The following CCDC170 variants were observed in gnomAD, a reference collection of about 807,000 sequenced individuals.
CCDC170 encodes the protein coiled-coil domain-containing protein 170.
Under a neutral mutation model 72.6 loss-of-function variants are expected in CCDC170, and 69 were observed. That is an observed-to-expected ratio of 0.95 (90% confidence interval 0.78 to 1.16). CCDC170 has a LOEUF of 1.16. CCDC170 is among the 50% of genes most tolerant of loss of function. The pLI, the probability that CCDC170 is intolerant of heterozygous loss-of-function variation, is 0.00. For synonymous variants in CCDC170, 300 were observed against 303.9 expected, an observed-to-expected ratio of 0.99 and a Z score of 0.13; for missense variants, 852 against 832.5, an observed-to-expected ratio of 1.02 and a Z score of -0.29.
intron 1 of CCDC170, among the ~76,000 whole-genome samples, chr6:151,497,432 A>G (rs1044542426): frequency 1.3e-5 from 2 of 152,204 alleles, no homozygotes; most frequent in African/African-American, 4.8e-5. Flanking sequence ...AAACAGACAC[A>G]TAAAAAGATT....
rs1157850112 is a variant in CCDC170 at position 151,619,230 on chromosome 6, A to T, written c.*1083A>T. 1 of 152,144 alleles carries T rather than the reference A, an allele frequency of 6.6e-6. No individual in the cohort carries two copies. Among genetic ancestry groups the T allele is most frequent in the Non-Finnish European group, 1.5e-5 (1 of 68,028 alleles). The allele number at this position is 152,144 out of a possible 1,614,324, so 9.4% of individuals were successfully genotyped here. On this transcript the variant is annotated 3_prime_UTR_variant, in exon 11 of 11. Coordinates refer to ENST00000239374, the MANE Select transcript of CCDC170 (RefSeq NM_025059.4). ...CAGCAGGGCTGGTCTCAGTCCTTTAAAATGGAAAGCTTTATTTGGAGCCCA... is the reference window on the plus strand; with the variant it reads ...CAGCAGGGCTGGTCTCAGTCCTTTATAATGGAAAGCTTTATTTGGAGCCCA...
intron 1 of CCDC170, among the ~76,000 whole-genome samples, chr6:151,504,288 T>C (rs527384570): frequency 6.6e-6 from 1 of 152,084 alleles, no homozygotes; most frequent in Non-Finnish European, 1.5e-5. Context: ...TTCCGTAGGA[T>C]TGAAATAAAA....
intron 5 of CCDC170, among the ~76,000 whole-genome samples, chr6:151,562,191 G>A (rs77864590): frequency 0.019 from 2,826 of 152,040 alleles, 100 homozygotes; most frequent in African/African-American, 0.064. Flanking sequence ...CTTGCAATCC[G>A]TATTTTGAAT....
intron 1 of CCDC170, among the ~76,000 whole-genome samples, chr6:151,497,086 C>T (rs1005559533): frequency 2.0e-5 from 3 of 152,180 alleles, no homozygotes; most frequent in African/African-American, 7.2e-5. Flanking sequence ...ACAGAGGATA[C>T]AAAAATGAAT....
At chr6:151,570,754 T>C (rs1426030857) in intron 5 of CCDC170, among the ~76,000 whole-genome samples, 2 of 152,182 alleles carry the variant, frequency 1.3e-5, no homozygotes, top group Non-Finnish European at 2.9e-5. Flanking sequence ...AGTGAGAAGA[T>C]ATTGTATTAT....
At chr6:151,616,050 T>C (rs954536806) in intron 10 of CCDC170, among the ~76,000 whole-genome samples, 1 of 152,170 alleles carries the variant, frequency 6.6e-6, no homozygotes, top group African/African-American at 2.4e-5. Flanking sequence ...AAAGACATTC[T>C]TATTCAAGCA....
intron 1 of CCDC170, among the ~76,000 whole-genome samples, chr6:151,515,943 G>C (rs1429819582): frequency 6.6e-6 from 1 of 152,024 alleles, no homozygotes; most frequent in Non-Finnish European, 1.5e-5. Context: ...GCACATGCCT[G>C]TAGTCCCAGC....
chr6:151,535,657 T>C (rs1478479487), intron 1 of CCDC170, among the ~76,000 whole-genome samples: 1 of 152,154 alleles, frequency 6.6e-6, no homozygotes, highest in Non-Finnish European at 1.5e-5. Context: ...GATGTAGCAT[T>C]GTTCTTCTCT....
rs149687200 is a variant in CCDC170, at chr6:151,570,671, G to A, written c.775-2503G>A. Among the ~76,000 whole-genome samples, 309 of 152,254 alleles carry A rather than the reference G, an allele frequency of 2.0e-3. 2 individuals carry two copies. Among genetic ancestry groups the A allele is most frequent in the African/African-American group, 7.0e-3 (292 of 41,550 alleles). Reference sequence around the variant, plus strand: ...CAATTCCCCAAGGATACCAAGGAACGACCGTAGTTTCCAAGTAAAATATGC... The same window carrying A: ...CAATTCCCCAAGGATACCAAGGAACAACCGTAGTTTCCAAGTAAAATATGC... On this transcript the variant is annotated intron_variant, in intron 5 of 10. Coordinates refer to ENST00000239374, the MANE Select transcript of CCDC170 (RefSeq NM_025059.4).
chr6:151,608,286 G>T (rs1284041297), intron 9 of CCDC170, among the ~76,000 whole-genome samples: 1 of 151,870 alleles, frequency 6.6e-6, no homozygotes, highest in African/African-American at 2.4e-5. Flanking sequence ...ATCATGATTT[G>T]AATTCTTTGT....
At chr6:151,512,885 T>C (rs922981874) in intron 1 of CCDC170, among the ~76,000 whole-genome samples, 4 of 152,198 alleles carry the variant, frequency 2.6e-5, no homozygotes, top group East Asian at 1.9e-4. Flanking sequence ...AAAGGGCATA[T>C]AGAAATATTG....
At chr6:151,558,232 G>GTTTTTTTTTTT (rs55648936) in intron 5 of CCDC170, among the ~76,000 whole-genome samples, 6 of 70,876 alleles carry the variant, frequency 8.5e-5, no homozygotes, top group African/African-American at 2.9e-4. Flanking sequence ...TGAGATTAGT[G>GTTTTTTTTTTT]TTTTTTTTTT....
At chr6:151,534,895 A>G (rs1425530415) in intron 1 of CCDC170, among the ~76,000 whole-genome samples, 2 of 152,242 alleles carry the variant, frequency 1.3e-5, no homozygotes, top group Non-Finnish European at 2.9e-5. Flanking sequence ...ATACTCCAGG[A>G]AATCCTCCTT....
At chr6:151,594,691 G>A (rs571139517) in intron 8 of CCDC170, among the ~76,000 whole-genome samples, 8 of 149,480 alleles carry the variant, frequency 5.4e-5, no homozygotes, top group East Asian at 2.0e-4. Flanking sequence ...CACTCTTGTC[G>A]CCCAGGCTGG....
chr6:151,508,410 C>T (rs1036931138), intron 1 of CCDC170, among the ~76,000 whole-genome samples: 116 of 151,830 alleles, frequency 7.6e-4, no homozygotes, highest in African/African-American at 2.5e-3. Context: ...AGTGGGGGGG[C>T]GCCTGTAGTC....
chr6:151,619,171 A>G lies in CCDC170; in HGVS notation c.*1024A>G, dbSNP rs908477827. On this transcript the variant is annotated 3_prime_UTR_variant, in exon 11 of 11. Coordinates refer to ENST00000239374, the MANE Select transcript of CCDC170 (RefSeq NM_025059.4). ...AAACTTGCCTGTTCTAACTGTTGCT[A>G]CCAGATTATATCTGGTGGTAATTGT... 1.3e-5 allele frequency: 2 copies of G among 152,160 alleles called. No homozygotes were observed. The highest frequency in any genetic ancestry group is 2.9e-5 in the Non-Finnish European group (2 of 68,016). 9.4% of individuals were successfully genotyped at this position (152,160 alleles called of 1,614,324 possible). A position where few individuals can be genotyped will look rare whatever the true frequency, so the allele number is the denominator to read the frequency against.
intron 7 of CCDC170, among the ~76,000 whole-genome samples, chr6:151,592,496 G>C (rs997458787): frequency 1.3e-5 from 2 of 152,210 alleles, no homozygotes; most frequent in Admixed American, 6.5e-5. Flanking sequence ...AAGAGTAAGG[G>C]ATGTCTTACA....
intron 1 of CCDC170, among the ~76,000 whole-genome samples, chr6:151,505,188 A>C (rs1265982339): frequency 6.6e-6 from 1 of 151,924 alleles, no homozygotes; most frequent in African/African-American, 2.4e-5. Context: ...CTTCTCTGAG[A>C]GGTTCCCTTC....
At position 151,494,111 on chromosome 6, in the gene CCDC170, C is replaced by G. The variant is rs1781873369; in HGVS notation, c.-18C>G. On this transcript the variant is annotated 5_prime_UTR_variant, in exon 1 of 11. Transcript: ENST00000239374. ...GGGCCGGTTCCGGGTCCGAGCGCGCCCCCGGGCTCGGGTCGTCATGAGCCT... is the reference window on the plus strand; with the variant it reads ...GGGCCGGTTCCGGGTCCGAGCGCGCGCCCGGGCTCGGGTCGTCATGAGCCT... 2 of 1,495,276 alleles carry G rather than the reference C, an allele frequency of 1.3e-6. No homozygotes were observed. The highest frequency in any genetic ancestry group is 1.5e-5 in the African/African-American group (1 of 68,922). 92.6% of individuals were successfully genotyped at this position (1,495,276 alleles called of 1,614,324 possible). A position where few individuals can be genotyped will look rare whatever the true frequency, so the allele number is the denominator to read the frequency against.
Sources: gnomAD v4.1 joint callset for allele counts (sites outside exome capture counted in the v4.1 genomes callset) on GRCh38, gnomAD v4.1.1 for gene constraint, MANE v1.5 for transcripts, NCBI Gene and HGNC (gene_info 2026-07-23, HGNC 2026-07-21) for gene names.